UBE2QL1: variants seen among roughly 807,000 people sequenced by gnomAD.
UBE2QL1 encodes ubiquitin-conjugating enzyme E2Q-like protein 1.
In UBE2QL1, 5 loss-of-function variants were observed where a neutral mutation model predicts 12.6. That is an observed-to-expected ratio of 0.40 (90% CI 0.21 to 0.83). The LOEUF is 0.83. Among genes scored for constraint, UBE2QL1 ranks in the 40% least tolerant of loss-of-function variants. The pLI is 0.37. For missense variants in UBE2QL1, 99 were observed against 222.6 expected (o/e 0.44, Z 3.53); for synonymous variants, 96 against 94.5 (o/e 1.02, Z -0.10).
At chr5:6,480,657 T>A (rs272467) in intron 1 of UBE2QL1, among the ~76,000 whole-genome samples, 77,576 of 152,112 alleles carry the variant, frequency 0.51, 22,395 homozygotes, top group African/African-American at 0.8. Flanking sequence ...TAATTGCTAG[T>A]ACTTTCTTTA....
intron 1 of UBE2QL1, 141 bp downstream of exon 1, chr5:6,449,388 C>T: frequency 1.2e-6 from 1 of 804,784 alleles, no homozygotes; most frequent in South Asian, 5.8e-5. Flanking sequence ...CAGCGCCCCA[C>T]GGGGATGCTC....
intron 1 of UBE2QL1, among the ~76,000 whole-genome samples, chr5:6,450,775 C>T (rs1404782922): frequency 6.6e-6 from 1 of 152,196 alleles, no homozygotes; most frequent in East Asian, 1.9e-4. Context: ...GGTTTAGGTT[C>T]CACACATTTC....
rs185133705 is a variant in UBE2QL1 at position 6,469,501 on chromosome 5, T to A, written c.354+20254T>A. 7.4e-5 allele frequency among the ~76,000 whole-genome samples: 11 copies of A among 147,922 alleles called. No homozygotes were observed. In the East Asian group the frequency reaches 1.4e-3, roughly 18 times the overall value. On this transcript the variant is annotated intron_variant, in intron 1 of 1. Transcript: ENST00000399816. The stretch of plus-strand genomic sequence containing the variant: ...TACAGTGTTCATATTATATATATAT[T>A]TTTTATATATATGTAATTATGTATA...
rs971291045 is a variant in UBE2QL1 at position 6,481,817 on chromosome 5, T to C, written c.355-9401T>C. Among the ~76,000 whole-genome samples the C allele has an allele frequency of 1.3e-5, 2 of 152,054 alleles. No homozygotes were observed. Among genetic ancestry groups the C allele is most frequent in the Admixed American group, 6.5e-5 (1 of 15,270 alleles). ...CGCCATACCACCTCCCAAATGACCA[T>C]CCACAAGGAAAACATGGCCCAATGT... On this transcript the variant is annotated intron_variant, in intron 1 of 1. Transcript: ENST00000399816. This position sits in a 1 kb window ranked among gnomAD's most constrained non-coding sequence, Gnocchi z 4.5.
chr5:6,495,549 G>A lies in UBE2QL1; in HGVS notation c.*4200G>A, dbSNP rs1734652340. On this transcript the variant is annotated 3_prime_UTR_variant, in exon 2 of 2. Coordinates refer to ENST00000399816, the MANE Select transcript of UBE2QL1 (RefSeq NM_001145161.3). ...TTTATGTTGCTTCATGAGACTATTA[G>A]GCAATTCATGTGGCCCTCACCAAAC... Among the ~76,000 whole-genome samples the A allele has an allele frequency of 6.6e-6, 1 of 152,094 alleles. No homozygotes were observed. Among genetic ancestry groups the A allele is most frequent in the East Asian group, 1.9e-4 (1 of 5,186 alleles).
chr5:6,466,094 G>A (rs934964870), intron 1 of UBE2QL1, among the ~76,000 whole-genome samples: 4 of 151,928 alleles, frequency 2.6e-5, no homozygotes, highest in Non-Finnish European at 4.4e-5. Context: ...GAGCAGTGCG[G>A]GGAGGCATGG....
Position 6,449,091 on chromosome 5 carries a change from G to A in UBE2QL1, c.198G>A (p.Pro66=), listed in dbSNP as rs1437448472. The A allele has an allele frequency of 1.6e-5, 25 of 1,547,536 alleles. No homozygotes were observed. Among genetic ancestry groups the A allele is most frequent in the Non-Finnish European group, 2.1e-5 (24 of 1,145,258 alleles). ...LTFPDNFPFS[P]PFMRVLSPRL... ...TCCCCGACAACTTCCCCTTCTCGCC[G>A]CCCTTCATGCGGGTGCTCAGCCCGC... Residue 66 remains proline (P), a synonymous_variant, in exon 1 of 2, where the codon CCG becomes CCA. Transcript: ENST00000399816.
At chr5:6,475,021 C>A (rs77455704) in intron 1 of UBE2QL1, among the ~76,000 whole-genome samples, 2,940 of 152,278 alleles carry the variant, frequency 0.019, 49 homozygotes, top group Middle Eastern at 0.031. Flanking sequence ...CAGTGACTGG[C>A]GCAGCTTTCC....
Position 6,481,929 on chromosome 5 carries a change from G to A in UBE2QL1, c.355-9289G>A, listed in dbSNP as rs7701289. Among the ~76,000 whole-genome samples the A allele has an allele frequency of 0.046, 6,937 of 152,266 alleles. 559 individuals are homozygous for A. The highest frequency in any genetic ancestry group is 0.16 in the African/African-American group (6,616 of 41,514). On this transcript the variant is annotated intron_variant, in intron 1 of 1. Coordinates refer to ENST00000399816, the MANE Select transcript of UBE2QL1 (RefSeq NM_001145161.3). The surrounding 1 kb of genome is among the most constrained non-coding windows in gnomAD (Gnocchi z 4.5). ...TTATGCCTGCCGTGGGCAGAGTTATGTCCTCCCCAAAATAGTTGAAGTCCT... is the reference window on the plus strand; with the variant it reads ...TTATGCCTGCCGTGGGCAGAGTTATATCCTCCCCAAAATAGTTGAAGTCCT...
In UBE2QL1 at chr5:6,492,124, A is replaced by G. The variant is rs1437300731; in HGVS notation, c.*775A>G. 1 of 152,274 alleles carries G rather than the reference A, an allele frequency of 6.6e-6. No individual in the cohort carries two copies. Among genetic ancestry groups the G allele is most frequent in the Non-Finnish European group, 1.5e-5 (1 of 68,056 alleles). 9.4% of individuals were successfully genotyped at this position (152,274 alleles called of 1,614,324 possible). On this transcript the variant is annotated 3_prime_UTR_variant, in exon 2 of 2. Transcript: ENST00000399816. ...AGGTGCGCCCTCTGGGGCTCAGAGC[A>G]ACGGATGGTCAGCTGCGAACAGTCT...
chr5:6,495,083 T>A lies in UBE2QL1; in HGVS notation c.*3734T>A, dbSNP rs968259924. Among the ~76,000 whole-genome samples the A allele has an allele frequency of 6.6e-6, 1 of 152,060 alleles. No homozygotes were observed. ...GGGCAAAGGGAAGGAGAAGGGCAGGTGTAGCAGGTGTAGAAATGGGAGGGG... is the reference window on the plus strand; with the variant it reads ...GGGCAAAGGGAAGGAGAAGGGCAGGAGTAGCAGGTGTAGAAATGGGAGGGG... On this transcript the variant is annotated 3_prime_UTR_variant, in exon 2 of 2. Coordinates refer to ENST00000399816, the MANE Select transcript of UBE2QL1 (RefSeq NM_001145161.3).
chr5:6,451,247 G>GA (rs1379882751), intron 1 of UBE2QL1, among the ~76,000 whole-genome samples: 2 of 43,310 alleles, frequency 4.6e-5, no homozygotes, highest in Non-Finnish European at 1.2e-4. Flanking sequence ...GAGAAATGGG[G>GA]ATTTTTTTTT....
At chr5:6,449,480 C>CA (rs1404334845) in intron 1 of UBE2QL1, among the ~76,000 whole-genome samples, 1 of 152,138 alleles carries the variant, frequency 6.6e-6, no homozygotes, top group Non-Finnish European at 1.5e-5. Context: ...CGTCTGGTCT[C>CA]AGTCTCTGCC....
intron 1 of UBE2QL1, among the ~76,000 whole-genome samples, chr5:6,466,157 C>T (rs952108108): frequency 1.3e-5 from 2 of 152,182 alleles, no homozygotes; most frequent in African/African-American, 2.4e-5. Context: ...CAGCGCCCAG[C>T]GTCTTCACGG....
At chr5:6,489,889 C>G (rs1043397192) in intron 1 of UBE2QL1, among the ~76,000 whole-genome samples, 2 of 152,230 alleles carry the variant, frequency 1.3e-5, no homozygotes, top group East Asian at 3.8e-4. Flanking sequence ...CATTCACATC[C>G]CAGTACGTGC....
In UBE2QL1 at chr5:6,495,444, C is replaced by G. The variant is rs883526; in HGVS notation, c.*4095C>G. Among the ~76,000 whole-genome samples the G allele has an allele frequency of 0.11, 15,982 of 152,176 alleles. 2,338 individuals are homozygous for G. The highest frequency in any genetic ancestry group is 0.33 in the African/African-American group (13,531 of 41,466). ...TTTACACCCTCTGCAGTGAAGGAGG[C>G]GAGCCCAGAGACTTTGAGGGGCTTG... On this transcript the variant is annotated 3_prime_UTR_variant, in exon 2 of 2. Coordinates refer to ENST00000399816, the MANE Select transcript of UBE2QL1 (RefSeq NM_001145161.3).
intron 1 of UBE2QL1, among the ~76,000 whole-genome samples, chr5:6,483,034 A>G (rs1385201221): frequency 6.6e-6 from 1 of 152,066 alleles, no homozygotes; most frequent in Non-Finnish European, 1.5e-5. Flanking sequence ...AGTCCAACAC[A>G]CTCTGATCAG....
intron 1 of UBE2QL1, among the ~76,000 whole-genome samples, chr5:6,452,222 T>G (rs1739425077): frequency 6.6e-6 from 1 of 152,184 alleles, no homozygotes; most frequent in Non-Finnish European, 1.5e-5. Context: ...AATAAAAAGC[T>G]TAGGTTTATC....
chr5:6,482,537 G>A (rs73038145), intron 1 of UBE2QL1, among the ~76,000 whole-genome samples: 2,013 of 150,596 alleles, frequency 0.013, 57 homozygotes, highest in African/African-American at 0.046. Context: ...TCCTCCACTC[G>A]TCTGGGCCCC....
Sources: allele counts gnomAD v4.1 joint callset (sites outside exome capture counted in the v4.1 genomes callset), GRCh38; gene constraint gnomAD v4.1.1; non-coding constraint Gnocchi (gnomAD v3.1); transcripts MANE v1.5; gene names NCBI Gene and HGNC (gene_info 2026-07-23, HGNC 2026-07-21).